WDR72: variants seen among roughly 807,000 people sequenced by gnomAD.
WDR72 encodes the protein WD repeat domain 72, also known as WD repeat-containing protein 72.
WDR72 carries 120 observed loss-of-function variants against 124.2 expected under a neutral mutation model. That is an observed-to-expected ratio of 0.97 (90% CI 0.83 to 1.12). The LOEUF (loss-of-function observed/expected upper bound fraction) is 1.12, where lower values mean the gene tolerates loss of function less well. Ranked by LOEUF, WDR72 falls within the 50% of genes most tolerant of loss-of-function variation. The probability of loss-of-function intolerance (pLI) is 0.00; values close to 1 mark genes in which losing one functional copy is unlikely to be tolerated. For missense variants in WDR72, 1,387 were observed against 1,278.8 expected, an observed-to-expected ratio of 1.08 and a Z score of -1.29; for synonymous variants, 452 against 441.7, an observed-to-expected ratio of 1.02 and a Z score of -0.29.
rs764416138 is a variant in WDR72 at position 53,733,014 on chromosome 15, G to T, written c.136C>A (p.Leu46Ile). ...SQEGQLCLWN[L>I]SHELKISAKE... ...TCACTAACCTTTAGTTCATGTGAGA[G>T]ATTCCAGAGACAGAGCTGACCCTCT... The change falls in exon 2 of 20, where the codon CTC becomes ATC. Residue 46 changes from leucine to isoleucine, a missense_variant. Physicochemically the swap from Leu to Ile is conservative, Grantham distance 5 (BLOSUM62 2). Coordinates refer to ENST00000360509, the MANE Select transcript of WDR72 (RefSeq NM_182758.4). 6.2e-7 allele frequency: 1 copy of T among 1,613,934 alleles called. No individual in the cohort carries two copies. The highest frequency in any genetic ancestry group is 8.5e-7 in the Non-Finnish European group (1 of 1,179,974).
intron 13 of WDR72, among the ~76,000 whole-genome samples, chr15:53,696,616 A>G (rs1156850276): frequency 6.6e-6 from 1 of 152,220 alleles, no homozygotes; most frequent in Admixed American, 6.5e-5. Flanking sequence ...GCTTTATGAA[A>G]ATATAAATGG....
chr15:53,665,988 C>T (rs781088311), intron 13 of WDR72, among the ~76,000 whole-genome samples: 2 of 152,154 alleles, frequency 1.3e-5, no homozygotes, highest in East Asian at 1.9e-4. Context: ...TTCCTCTTTG[C>T]GCTTCTTCAT....
At chr15:53,691,073 AG>A (rs2016822913) in intron 13 of WDR72, among the ~76,000 whole-genome samples, 1 of 152,192 alleles carries the variant, frequency 6.6e-6, no homozygotes, top group African/African-American at 2.4e-5. Flanking sequence ...TAACCTTTAT[AG>A]GGTCTCATTC....
chr15:53,575,246 G>A (rs576209619), intron 18 of WDR72, among the ~76,000 whole-genome samples: 1 of 152,206 alleles, frequency 6.6e-6, no homozygotes, highest in South Asian at 2.1e-4. Flanking sequence ...ACTCTCAGGT[G>A]TAAATGTAGA....
At chr15:53,672,045 T>C (rs1481146632) in intron 13 of WDR72, among the ~76,000 whole-genome samples, 1 of 151,736 alleles carries the variant, frequency 6.6e-6, no homozygotes, top group Non-Finnish European at 1.5e-5. Context: ...TTCTAGATCC[T>C]TCCTAAGGAA....
rs377212209 is a variant in WDR72 at position 53,674,944 on chromosome 15, GA to G, written c.1766-9177del. Among the ~76,000 whole-genome samples the G allele has an allele frequency of 2.2e-3, 330 of 149,694 alleles. 2 individuals carry two copies. The highest frequency in any genetic ancestry group is 7.8e-3 in the African/African-American group (318 of 40,870). On this transcript the variant is annotated intron_variant, in intron 13 of 19. Transcript: ENST00000360509. ...GAGGTGTGGCGGGGGACAATTGAAAGAAAAAAAAAGGATTGAAACACCTGGA... is the reference window on the plus strand; with the variant it reads ...GAGGTGTGGCGGGGGACAATTGAAAGAAAAAAAAGGATTGAAACACCTGGA...
At chr15:53,542,960 T>G (rs1423723432) in intron 18 of WDR72, among the ~76,000 whole-genome samples, 3 of 151,986 alleles carry the variant, frequency 2.0e-5, no homozygotes, top group Non-Finnish European at 4.4e-5. Context: ...TAAATATATA[T>G]GCACTCAACA....
chr15:53,520,387 G>T (rs546646283), intron 19 of WDR72, among the ~76,000 whole-genome samples: 1 of 152,132 alleles, frequency 6.6e-6, no homozygotes, highest in South Asian at 2.1e-4. Context: ...ATTCAGCTTT[G>T]TAACTGGGGG....
At chr15:53,518,474 T>C (rs1891589453) in intron 19 of WDR72, among the ~76,000 whole-genome samples, 1 of 152,088 alleles carries the variant, frequency 6.6e-6, no homozygotes, top group Non-Finnish European at 1.5e-5. Context: ...AATATGTTGA[T>C]GCTTGAATTT....
At chr15:53,731,187 C>T (rs1311020408) in intron 2 of WDR72, among the ~76,000 whole-genome samples, 1 of 152,020 alleles carries the variant, frequency 6.6e-6, no homozygotes, top group Non-Finnish European at 1.5e-5. Flanking sequence ...ATATAAATTC[C>T]TTCACTTGTC....
intron 13 of WDR72, among the ~76,000 whole-genome samples, chr15:53,667,327 C>A (rs1324114049): frequency 1.3e-5 from 2 of 152,136 alleles, no homozygotes; most frequent in Non-Finnish European, 2.9e-5. Flanking sequence ...GCACTCCAGC[C>A]TGGGTGACAG....
intron 11 of WDR72, among the ~76,000 whole-genome samples, chr15:53,702,944 G>A (rs2017230100): frequency 6.6e-6 from 1 of 150,444 alleles, no homozygotes; most frequent in Non-Finnish European, 1.5e-5. Context: ...CTGTTGACCA[G>A]GCTAGAGTAC....
intron 14 of WDR72, among the ~76,000 whole-genome samples, chr15:53,657,521 G>A (rs964784573): frequency 2.6e-4 from 40 of 151,936 alleles, no homozygotes; most frequent in Admixed American, 2.5e-3. Context: ...TTTTCTCCAC[G>A]TTCTATGTTA....
At chr15:53,521,530 CT>C (rs1309909563) in intron 19 of WDR72, among the ~76,000 whole-genome samples, 1 of 152,082 alleles carries the variant, frequency 6.6e-6, no homozygotes, top group Non-Finnish European at 1.5e-5. Flanking sequence ...ACGGTACTCA[CT>C]TTTTGAGTTA....
intron 18 of WDR72, among the ~76,000 whole-genome samples, chr15:53,536,737 A>T (rs1387599099): frequency 6.6e-6 from 1 of 152,198 alleles, no homozygotes; most frequent in Admixed American, 6.5e-5. Context: ...TAAAAGTTTT[A>T]AACAATGACA....
chr15:53,671,852 A>ATC, intron 13 of WDR72, among the ~76,000 whole-genome samples: 1 of 152,020 alleles, frequency 6.6e-6, no homozygotes, highest in Non-Finnish European at 1.5e-5. Context: ...AGAACAGAAG[A>ATC]TGCTAGTCTA....
intron 13 of WDR72, among the ~76,000 whole-genome samples, chr15:53,668,793 C>A (rs1233542180): frequency 1.3e-5 from 2 of 149,636 alleles, no homozygotes; most frequent in Non-Finnish European, 3.0e-5. Flanking sequence ...GTAGTCACAG[C>A]TACTTGGGGG....
At chr15:53,675,524 T>C (rs1322589137) in intron 13 of WDR72, among the ~76,000 whole-genome samples, 1 of 152,196 alleles carries the variant, frequency 6.6e-6, no homozygotes, top group Non-Finnish European at 1.5e-5. Flanking sequence ...TATAAAATTA[T>C]ACTGCTACTG....
chr15:53,552,402 GA>G (rs1170268325), intron 18 of WDR72, among the ~76,000 whole-genome samples: 1 of 152,104 alleles, frequency 6.6e-6, no homozygotes, highest in Non-Finnish European at 1.5e-5. Flanking sequence ...TCAAGGGCAG[GA>G]CCAACGTGAC....
Sources: gnomAD v4.1 joint callset for allele counts (sites outside exome capture counted in the v4.1 genomes callset) on GRCh38, gnomAD v4.1.1 for gene constraint, MANE v1.5 for transcripts, NCBI Gene and HGNC (gene_info 2026-07-23, HGNC 2026-07-21) for gene names.